COL4A2: variants seen among roughly 807,000 people sequenced by gnomAD.
The protein encoded by COL4A2 is collagen alpha-2(IV) chain.
A neutral mutation model predicts 200.2 loss-of-function variants in COL4A2; 99 were observed. The ratio of observed to expected loss-of-function variants is 0.49; its 90% CI spans 0.42 to 0.58. The LOEUF is 0.58. Ranked by LOEUF, COL4A2 falls within the 20% of genes least tolerant of loss-of-function variation. The pLI, the probability that COL4A2 is intolerant of heterozygous loss-of-function variation, is 0.00. For missense variants in COL4A2, 1,950 were observed against 2,314.1 expected (o/e 0.84, Z 3.23); for synonymous variants, 897 against 900.6 (o/e 1.00, Z 0.07).
chr13:110,355,382 TGTG>T (rs1877162365), intron 3 of COL4A2, among the ~76,000 whole-genome samples: 1 of 93,578 alleles, frequency 1.1e-5, no homozygotes, highest in Non-Finnish European at 1.9e-5. Context: ...AGCTCACCTG[TGTG>T]GGGGGAGGGC....
chr13:110,356,245 A>G (rs969069235), intron 3 of COL4A2, among the ~76,000 whole-genome samples: 7 of 152,180 alleles, frequency 4.6e-5, no homozygotes, highest in East Asian at 1.9e-4. Flanking sequence ...GAAACACTCA[A>G]TGGGGTCACC....
chr13:110,420,163 T>C (rs1880193047), intron 4 of COL4A2, among the ~76,000 whole-genome samples: 2 of 152,134 alleles, frequency 1.3e-5, no homozygotes, highest in South Asian at 4.1e-4. Context: ...AAGGGCCTGG[T>C]GGAGTCAGCC....
At chr13:110,499,973 G>A (rs1312391251) in intron 40 of COL4A2, among the ~76,000 whole-genome samples, 1 of 152,176 alleles carries the variant, frequency 6.6e-6, no homozygotes, top group African/African-American at 2.4e-5. Flanking sequence ...AACTACAGAT[G>A]GTGGCTCACT....
At chr13:110,475,179 C>T (rs1882663076) in intron 29 of COL4A2, among the ~76,000 whole-genome samples, 1 of 152,242 alleles carries the variant, frequency 6.6e-6, no homozygotes, top group Admixed American at 6.5e-5. Context: ...AGGCCTCGTG[C>T]TCGGCCATCC....
At chr13:110,491,747 C>T (rs1033421680) in intron 37 of COL4A2, among the ~76,000 whole-genome samples, 1 of 152,178 alleles carries the variant, frequency 6.6e-6, no homozygotes, top group Non-Finnish European at 1.5e-5. Context: ...TTACTCAGCA[C>T]CGGGGAATGC....
intron 3 of COL4A2, among the ~76,000 whole-genome samples, chr13:110,308,902 C>T (rs1884892870): frequency 6.6e-6 from 1 of 152,178 alleles, no homozygotes; most frequent in Non-Finnish European, 1.5e-5. Context: ...GAATTCGGTG[C>T]AGGACTCAAA....
At chr13:110,430,710 A>G in intron 10 of COL4A2, 103 bp downstream of exon 10, 1 of 1,442,866 alleles carries the variant, frequency 6.9e-7, no homozygotes, top group Non-Finnish European at 9.8e-7. Flanking sequence ...CTTTAAGAAC[A>G]ACTATGATGC....
chr13:110,457,399 G>A lies in COL4A2; in HGVS notation c.1396G>A (p.Gly466Ser), dbSNP rs374820618. Reference sequence around the variant, plus strand: ...AAGAGCAGGCTTCCCTGGGCTTCCCGGCTCCCCTGGAGCCCGCGGACCAAA... The same window carrying A: ...AAGAGCAGGCTTCCCTGGGCTTCCCAGCTCCCCTGGAGCCCGCGGACCAAA... ...KGRAGFPGLP[G>S]SPGARGPKGW... Residue 466 changes from glycine (G) to serine (S), a missense_variant, in exon 21 of 48, where the codon GGC becomes AGC. Coordinates refer to ENST00000360467, the MANE Select transcript of COL4A2 (RefSeq NM_001846.4). 9.4e-5 allele frequency: 152 copies of A among 1,613,040 alleles called. No homozygotes were observed. The highest frequency in any genetic ancestry group is 1.1e-4 in the Non-Finnish European group (133 of 1,179,208).
intron 4 of COL4A2, among the ~76,000 whole-genome samples, chr13:110,409,497 G>A (rs1032728680): frequency 2.6e-5 from 4 of 152,244 alleles, no homozygotes; most frequent in African/African-American, 7.2e-5. Flanking sequence ...CGCAGGAAGC[G>A]TATCGGGAGC....
Position 110,450,463 on chromosome 13 carries a change from A to G in COL4A2, c.1339+9A>G. The G allele has an allele frequency of 1.9e-6, 3 of 1,613,202 alleles. No individual in the cohort carries two copies. The highest frequency in any genetic ancestry group is 2.7e-5 in the African/African-American group (2 of 75,028). On this transcript the variant is annotated intron_variant, in intron 20 of 47. Coordinates refer to ENST00000360467, the MANE Select transcript of COL4A2 (RefSeq NM_001846.4). ...ACCACCTGGACCTGATGGTGAGTGG[A>G]GGGAAACAAAAGGGAGGGTGTAGCC...
intron 4 of COL4A2, among the ~76,000 whole-genome samples, chr13:110,408,862 C>T (rs1365759624): frequency 1.4e-5 from 2 of 148,022 alleles, no homozygotes; most frequent in Non-Finnish European, 3.0e-5. Flanking sequence ...CACACATACA[C>T]GCACATATAC....
chr13:110,322,120 G>A (rs554377832), intron 3 of COL4A2, among the ~76,000 whole-genome samples: 1 of 152,300 alleles, frequency 6.6e-6, no homozygotes, highest in South Asian at 2.1e-4. Context: ...GGTTTCAAAT[G>A]GTTAATGTCA....
intron 22 of COL4A2, 111 bp downstream of exon 22, chr13:110,459,045 A>C (rs1297324595): frequency 3.9e-5 from 43 of 1,093,192 alleles, no homozygotes; most frequent in East Asian, 8.3e-5. Flanking sequence ...GGCAACACTC[A>C]TGGACCCAAG....
intron 34 of COL4A2, among the ~76,000 whole-genome samples, chr13:110,489,134 G>T (rs1036929250): frequency 2.6e-5 from 4 of 152,188 alleles, no homozygotes; most frequent in Admixed American, 6.5e-5. Flanking sequence ...TGCACAGGAG[G>T]CTGAGACGGA....
rs370426176 is a variant in COL4A2, at chr13:110,396,150, C to A, written c.181-28584C>A. On this transcript the variant is annotated intron_variant, in intron 4 of 47. Coordinates refer to ENST00000360467, the MANE Select transcript of COL4A2 (RefSeq NM_001846.4). ...CAGAGTGTACCCATATCCCCTCCCGCTACCTCTCACCCCTAGTTCCTCCGA... is the reference window on the plus strand; with the variant it reads ...CAGAGTGTACCCATATCCCCTCCCGATACCTCTCACCCCTAGTTCCTCCGA... 3.3e-4 allele frequency among the ~76,000 whole-genome samples: 51 copies of A among 152,352 alleles called. No individual in the cohort carries two copies. In the South Asian group the frequency reaches 8.3e-3, roughly 25 times the overall value.
Position 110,503,136 on chromosome 13 carries a change from C to G in COL4A2, c.3893C>G (p.Pro1298Arg), listed in dbSNP as rs747765622. Reference sequence around the variant, plus strand: ...ATGCCAACAGGTTATCGGGGCCCACCAGGGCCACCAGGTTCTGCTGCTCTT... The same window carrying G: ...ATGCCAACAGGTTATCGGGGCCCACGAGGGCCACCAGGTTCTGCTGCTCTT... ...IFGLKGYRGP[P>R]GPPGSAALPG... is the part of the protein sequence containing the mutation. The change falls in exon 42 of 48, where the codon CCA (proline) becomes CGA (arginine). Residue 1298 changes from proline (P) to arginine (R), a missense_variant. This residue lies in a region of COL4A2 where 1,385 missense variants were observed against 1,720.5 expected (regional missense o/e 0.80). Coordinates refer to ENST00000360467, the MANE Select transcript of COL4A2 (RefSeq NM_001846.4). 3.1e-6 allele frequency: 5 copies of G among 1,613,696 alleles called. No homozygotes were observed. Among genetic ancestry groups the G allele is most frequent in the East Asian group, 2.2e-5 (1 of 44,868 alleles).
At chr13:110,475,862 C>T (rs1185003601) in intron 29 of COL4A2, among the ~76,000 whole-genome samples, 1 of 152,356 alleles carries the variant, frequency 6.6e-6, no homozygotes, top group South Asian at 2.1e-4. Flanking sequence ...AGCAGTTGTT[C>T]CTTTTTTAAC....
At chr13:110,483,122 C>G (rs1267021456) in intron 32 of COL4A2, among the ~76,000 whole-genome samples, 1 of 152,188 alleles carries the variant, frequency 6.6e-6, no homozygotes, top group African/African-American at 2.4e-5. Context: ...CTCACGCGGA[C>G]AGGCATCTCA....
Position 110,506,451 on chromosome 13 carries a change from G to C in COL4A2, c.4439G>C (p.Gly1480Ala). 1 of 1,612,586 alleles carries C rather than the reference G, an allele frequency of 6.2e-7. No individual in the cohort carries two copies. The highest frequency in any genetic ancestry group is 8.5e-7 in the Non-Finnish European group (1 of 1,179,644). Residue 1480 changes from glycine (G) to alanine (A), a missense_variant, in exon 46 of 48, where the codon GGT becomes GCT. By Grantham distance (60) the Gly-to-Ala change is moderately conservative. Coordinates refer to ENST00000360467, the MANE Select transcript of COL4A2 (RefSeq NM_001846.4). Reference protein sequence around the residue: ...PGRPGSPGLPGMPGRSVSIGY... With the variant: ...PGRPGSPGLPAMPGRSVSIGY... Reference sequence around the variant, plus strand: ...CGTCCAGGGAGCCCGGGCCTGCCGGGTATGCCAGGCCGCAGCGTCAGCATC... The same window carrying C: ...CGTCCAGGGAGCCCGGGCCTGCCGGCTATGCCAGGCCGCAGCGTCAGCATC...
Sources: allele counts gnomAD v4.1 joint callset (sites outside exome capture counted in the v4.1 genomes callset), GRCh38; gene constraint gnomAD v4.1.1; regional missense constraint gnomAD v4.1.1; transcripts MANE v1.5; gene names NCBI Gene and HGNC (gene_info 2026-07-23, HGNC 2026-07-21).